ADAM22: variants seen among roughly 807,000 people sequenced by gnomAD.
The protein encoded by ADAM22 is disintegrin and metalloproteinase domain-containing protein 22.
In ADAM22, 65 loss-of-function variants were observed where a neutral mutation model predicts 144.6. The observed-to-expected ratio is 0.45, with a 90% CI of 0.37 to 0.55. The LOEUF is 0.55. Among genes scored for constraint, ADAM22 ranks in the 20% least tolerant of loss-of-function variants. The pLI is 0.00. For synonymous variants in ADAM22, 391 were observed against 412.6 expected (o/e 0.95, Z 0.63); for missense variants, 974 against 1,184.9 (o/e 0.82, Z 2.61).
chr7:88,077,752 C>G (rs1815047355), intron 4 of ADAM22, among the ~76,000 whole-genome samples: 1 of 152,216 alleles, frequency 6.6e-6, no homozygotes, highest in Non-Finnish European at 1.5e-5. Flanking sequence ...ATTGCTAGCA[C>G]AGCAGTCTGA....
chr7:87,935,758 T>C (rs75132352), intron 2 of ADAM22, among the ~76,000 whole-genome samples: 4,430 of 152,338 alleles, frequency 0.029, 101 homozygotes, highest in Non-Finnish European at 0.046. Context: ...ACTTTCTTTA[T>C]TGGTAGCAGT....
intron 3 of ADAM22, among the ~76,000 whole-genome samples, chr7:88,010,937 C>CT (rs1459692618): frequency 2.0e-5 from 3 of 152,180 alleles, no homozygotes; most frequent in Admixed American, 6.5e-5. Flanking sequence ...AAAATTCACT[C>CT]TAAGTCTCAG....
At chr7:88,132,696 C>G in intron 11 of ADAM22, 171 bp from the exon 12 acceptor site, 3 of 500,888 alleles carry the variant, frequency 6.0e-6, no homozygotes, top group Non-Finnish European at 1.1e-5. Context: ...CCTCATAAAC[C>G]TTTTTCTTTG....
In ADAM22 at chr7:88,153,304, A is replaced by T. The variant is rs1246720702; in HGVS notation, c.1765A>T (p.Thr589Ser). 16 of 1,613,234 alleles carry T rather than the reference A, an allele frequency of 9.9e-6. No homozygotes were observed. The highest frequency in any genetic ancestry group is 1.1e-5 in the Non-Finnish European group (13 of 1,179,588). ...GGGTAACTGTGGGAAAGACAAAGACACATGGATACAGTGCAACAAACGGTG... is the reference window on the plus strand; with the variant it reads ...GGGTAACTGTGGGAAAGACAAAGACTCATGGATACAGTGCAACAAACGGTG... Reference protein sequence around the residue: ...EKGNCGKDKDTWIQCNKRDVL... With the variant: ...EKGNCGKDKDSWIQCNKRDVL... Residue 589 changes from threonine to serine, a missense_variant, in exon 21 of 32, where the codon ACA (threonine) becomes TCA (serine). Physicochemically the swap from Thr to Ser is moderately conservative, Grantham distance 58. This residue lies in a region of ADAM22 where 734 missense variants were observed against 950.6 expected (regional missense o/e 0.77). Coordinates refer to ENST00000413139, the MANE Select transcript of ADAM22 (RefSeq NM_001324418.2).
In ADAM22 at chr7:87,972,610, G is replaced by A. The variant is rs532412785; in HGVS notation, c.247-5726G>A. ...TTAAAGTTCATATGGAACCAAAAAAGAGCCCGCATCGCCAAGTCAATCCTA... is the reference window on the plus strand; with the variant it reads ...TTAAAGTTCATATGGAACCAAAAAAAAGCCCGCATCGCCAAGTCAATCCTA... On this transcript the variant is annotated intron_variant, in intron 2 of 31. Transcript: ENST00000413139. Among the ~76,000 whole-genome samples the A allele has an allele frequency of 3.6e-4, 55 of 152,130 alleles. 1 individual carries two copies. In the East Asian group the frequency reaches 0.011, roughly 29 times the overall value.
At chr7:88,073,598 C>G (rs1813410733) in intron 3 of ADAM22, among the ~76,000 whole-genome samples, 1 of 152,186 alleles carries the variant, frequency 6.6e-6, no homozygotes, top group South Asian at 2.1e-4. Context: ...TCACGTAATT[C>G]ACTAAATTAA....
At chr7:88,098,953 G>A (rs573519795) in intron 4 of ADAM22, among the ~76,000 whole-genome samples, 7 of 152,220 alleles carry the variant, frequency 4.6e-5, no homozygotes, top group Admixed American at 1.3e-4. Context: ...TAATGACTAT[G>A]TTGTTAGATG....
chr7:88,145,519 T>G lies in ADAM22; in HGVS notation c.1485+12T>G. 6.2e-7 allele frequency: 1 copy of G among 1,600,894 alleles called. No homozygotes were observed. The highest frequency in any genetic ancestry group is 8.6e-7 in the Non-Finnish European group (1 of 1,169,070). On this transcript the variant is annotated intron_variant, in intron 17 of 31. Coordinates refer to ENST00000413139, the MANE Select transcript of ADAM22 (RefSeq NM_001324418.2). ...GTAAAAAGTGCAAGGTAAATAAACATTAATGACCATTTGACAGAAAAAAAG... is the reference window on the plus strand; with the variant it reads ...GTAAAAAGTGCAAGGTAAATAAACAGTAATGACCATTTGACAGAAAAAAAG...
chr7:88,094,295 G>C (rs114664833), intron 4 of ADAM22, among the ~76,000 whole-genome samples: 3,692 of 152,232 alleles, frequency 0.024, 155 homozygotes, highest in African/African-American at 0.083. Context: ...ACTTTCTTGA[G>C]GAAATGATAT....
Position 88,117,899 on chromosome 7 carries a change from T to C in ADAM22, c.607+1085T>C, listed in dbSNP as rs1033993320. ...AGTAGAGACAGGGGTTTCGCCATAT[T>C]GGGTAGGCTGGTCTCGAACTCCTGA... On this transcript the variant is annotated intron_variant, in intron 7 of 31. Coordinates refer to ENST00000413139, the MANE Select transcript of ADAM22 (RefSeq NM_001324418.2). Among the ~76,000 whole-genome samples the C allele has an allele frequency of 3.9e-5, 6 of 152,192 alleles. 1 individual carries two copies. The highest frequency in any genetic ancestry group is 3.9e-4 in the Admixed American group (6 of 15,302).
chr7:88,032,290 G>C (rs1400218741), intron 3 of ADAM22, among the ~76,000 whole-genome samples: 1 of 152,206 alleles, frequency 6.6e-6, no homozygotes, highest in Non-Finnish European at 1.5e-5. Flanking sequence ...TCAGGGACTT[G>C]GGAGCCCACT....
At chr7:87,939,519 G>A (rs570462259) in intron 2 of ADAM22, among the ~76,000 whole-genome samples, 85 of 152,304 alleles carry the variant, frequency 5.6e-4, no homozygotes, top group African/African-American at 1.2e-3. Flanking sequence ...GCACGTGACT[G>A]TAGCTGTGTA....
At chr7:88,005,800 T>C (rs1451031033) in intron 3 of ADAM22, among the ~76,000 whole-genome samples, 2 of 152,080 alleles carry the variant, frequency 1.3e-5, no homozygotes, top group South Asian at 2.1e-4. Flanking sequence ...GAAAAAAATA[T>C]AAAATTATGA....
chr7:88,127,313 GA>G (rs969033398), intron 8 of ADAM22, among the ~76,000 whole-genome samples: 1 of 151,986 alleles, frequency 6.6e-6, no homozygotes, highest in Non-Finnish European at 1.5e-5. Context: ...CTCTTTCTGA[GA>G]AAGCCATGGA....
At chr7:88,024,310 TG>T (rs1303479435) in intron 3 of ADAM22, among the ~76,000 whole-genome samples, 1 of 152,196 alleles carries the variant, frequency 6.6e-6, no homozygotes, top group Non-Finnish European at 1.5e-5. Flanking sequence ...CCACCAACAT[TG>T]TATGCAGGTT....
chr7:88,017,920 A>G (rs1237023538), intron 3 of ADAM22, among the ~76,000 whole-genome samples: 3 of 151,910 alleles, frequency 2.0e-5, no homozygotes, highest in Non-Finnish European at 4.4e-5. Flanking sequence ...TTTTTTCTCC[A>G]CATACAGATA....
At chr7:88,137,814 G>A (rs1282699990) in intron 14 of ADAM22, among the ~76,000 whole-genome samples, 3 of 152,190 alleles carry the variant, frequency 2.0e-5, no homozygotes, top group Non-Finnish European at 2.9e-5. Context: ...TATGTATAAC[G>A]AGGAAAATAA....
intron 20 of ADAM22, among the ~76,000 whole-genome samples, chr7:88,152,762 T>G (rs951229571): frequency 2.0e-5 from 3 of 152,094 alleles, no homozygotes; most frequent in Non-Finnish European, 4.4e-5. Context: ...CACTGCACCC[T>G]CTGCCTCCCG....
chr7:87,953,398 T>C (rs1474735646), intron 2 of ADAM22, among the ~76,000 whole-genome samples: 1 of 152,210 alleles, frequency 6.6e-6, no homozygotes, highest in Non-Finnish European at 1.5e-5. Context: ...TTTCGTTATG[T>C]ATCCAGTAGT....
Sources: gnomAD v4.1 joint callset for allele counts (sites outside exome capture counted in the v4.1 genomes callset) on GRCh38, gnomAD v4.1.1 for gene constraint, gnomAD v4.1.1 regional missense constraint, MANE v1.5 for transcripts, NCBI Gene and HGNC (gene_info 2026-07-23, HGNC 2026-07-21) for gene names.